DDI2: variants seen among roughly 807,000 people sequenced by gnomAD.
DDI2 encodes the protein DDI proteasomal shuttling factor 2.
A neutral mutation model predicts 48.1 loss-of-function variants in DDI2; 5 were observed. That is an observed-to-expected ratio of 0.10 (90% CI 0.05 to 0.22). DDI2 has a LOEUF of 0.22. Among genes scored for constraint, DDI2 ranks in the 10% least tolerant of loss-of-function variants. DDI2 has a pLI of 1.00. For missense variants in DDI2, 285 were observed against 506.2 expected (o/e 0.56, Z 4.19); for synonymous variants, 205 against 183.6 (o/e 1.12, Z -0.94).
chr1:15,661,064 G>GGACC lies in DDI2; in HGVS notation c.*1275_*1278dup, dbSNP rs1305222605. 6.2e-7 allele frequency: 1 copy of GGACC among 1,614,082 alleles called. No homozygotes were observed. The highest frequency in any genetic ancestry group is 1.1e-5 in the South Asian group (1 of 91,070). Reference sequence around the variant, plus strand: ...AGTATTAAAGACCTTTCTGAAAGATGGACCCAAAATGAGCATCTTACCCAG... The same window carrying GGACC: ...AGTATTAAAGACCTTTCTGAAAGATGGACCGACCCAAAATGAGCATCTTACCCAG... On this transcript the variant is annotated 3_prime_UTR_variant, in exon 10 of 10. Transcript: ENST00000480945.
At chr1:15,637,223 C>A (rs1639943375) in intron 4 of DDI2, among the ~76,000 whole-genome samples, 1 of 152,020 alleles carries the variant, frequency 6.6e-6, no homozygotes, top group African/African-American at 2.4e-5. Flanking sequence ...GTTTTCTTTT[C>A]CTTCCTTTTG....
intron 6 of DDI2, among the ~76,000 whole-genome samples, chr1:15,645,443 CTCTTT>C (rs1402348450): frequency 2.0e-5 from 3 of 152,330 alleles, no homozygotes; most frequent in Middle Eastern, 6.8e-3. Flanking sequence ...TAGTTTTCTT[CTCTTT>C]TGTTTTTCTG....
rs144153444 is a variant in DDI2, at chr1:15,647,976, T to G, written c.890-1744T>G. On this transcript the variant is annotated intron_variant, in intron 6 of 9. Transcript: ENST00000480945. ...AATACTCTTTTCTCAAAAAAAATTT[T>G]TTTTTACAAATAAAAGAGTGGTTTC... Among the ~76,000 whole-genome samples the G allele has an allele frequency of 3.8e-3, 573 of 152,312 alleles. 2 individuals are homozygous for G. Among genetic ancestry groups the G allele is most frequent in the African/African-American group, 0.011 (455 of 41,568 alleles).
chr1:15,651,717 C>G lies in DDI2; in HGVS notation c.1005C>G (p.Asp335Glu). The G allele has an allele frequency of 6.2e-7, 1 of 1,604,788 alleles. No individual in the cohort carries two copies. The highest frequency in any genetic ancestry group is 8.5e-7 in the Non-Finnish European group (1 of 1,176,730). The stretch of plus-strand genomic sequence containing the variant: ...TTCTTTCTTCCAAGTGTTCCATCGA[C>G]CTGAAGAAAAATGTACTCGTGATCG... ...DMLKRHQCSI[D>E]LKKNVLVIGT... The change falls in exon 8 of 10, where the codon GAC (aspartate) becomes GAG (glutamate). Residue 335 changes from aspartate (D) to glutamate (E), a missense_variant. Asp to Glu is a conservative substitution (Grantham distance 45). This residue lies in a region of DDI2 where 66 missense variants were observed against 87.3 expected (regional missense o/e 0.76). Transcript: ENST00000480945.
intron 6 of DDI2, among the ~76,000 whole-genome samples, chr1:15,645,918 A>G (rs1401355672): frequency 6.0e-5 from 9 of 150,992 alleles, no homozygotes; most frequent in Admixed American, 6.6e-5. Context: ...TTGGTAAATG[A>G]CCTGGGTAGG....
In DDI2 at chr1:15,633,472, A is replaced by G; in HGVS notation, c.539A>G (p.Gln180Arg). The G allele has an allele frequency of 6.2e-7, 1 of 1,613,754 alleles. No homozygotes were observed. Among genetic ancestry groups the G allele is most frequent in the African/African-American group, 1.3e-5 (1 of 75,028 alleles). ...TCTAGAGTCCTGGTGGAGCAGCAGC[A>G]GGACCGAGCCCGGAGAGAGCAAGAA... ...KFSRVLVEQQQDRARREQERI... is the reference protein window; with the variant it reads ...KFSRVLVEQQRDRARREQERI... Residue 180 changes from glutamine (Q) to arginine (R), a missense_variant, in exon 4 of 10, where the codon CAG becomes CGG. Gln to Arg is a conservative substitution (Grantham distance 43, BLOSUM62 1). Around this residue, in one of 3 missense-constraint regions of DDI2, gnomAD observed 149 missense variants for 236.5 expected, o/e 0.63. Coordinates refer to ENST00000480945, the MANE Select transcript of DDI2 (RefSeq NM_032341.5).
rs1229531967 is a variant in DDI2, at chr1:15,661,612, C to T, written c.*1822C>T. 6.8e-6 allele frequency: 11 copies of T among 1,614,000 alleles called. No homozygotes were observed. Among genetic ancestry groups the T allele is most frequent in the East Asian group, 2.2e-5 (1 of 44,890 alleles). ...TGCCACAGATATTGACCGCATTCTC[C>T]GTGCTGGCTTTACTTTGCAGGAAGC... is the stretch of plus-strand genomic sequence containing the variant. On this transcript the variant is annotated 3_prime_UTR_variant, in exon 10 of 10. Coordinates refer to ENST00000480945, the MANE Select transcript of DDI2 (RefSeq NM_032341.5).
intron 9 of DDI2, 97 bp from the exon 10 acceptor site, chr1:15,659,740 T>A: frequency 7.7e-7 from 1 of 1,304,034 alleles, no homozygotes; most frequent in Non-Finnish European, 1.0e-6. Flanking sequence ...GAGGACCTTA[T>A]TTTATTCTAC....
intron 6 of DDI2, among the ~76,000 whole-genome samples, chr1:15,647,486 C>T (rs1435780923): frequency 2.0e-5 from 3 of 152,092 alleles, no homozygotes; most frequent in Admixed American, 6.6e-5. Flanking sequence ...GTATAGTTTT[C>T]TGCACATTTT....
chr1:15,643,769 C>A, intron 6 of DDI2, 119 bp downstream of exon 6: 1 of 1,412,178 alleles, frequency 7.1e-7, no homozygotes, highest in East Asian at 2.5e-5. Context: ...TTTTAAATTT[C>A]TTTTGTGTGG....
At chr1:15,640,352 A>C (rs1378707592) in intron 5 of DDI2, among the ~76,000 whole-genome samples, 1 of 152,228 alleles carries the variant, frequency 6.6e-6, no homozygotes, top group African/African-American at 2.4e-5. Flanking sequence ...TATCCATAAG[A>C]AAACTTAGAT....
rs1640378013 is a variant in DDI2, at chr1:15,661,473, G to T, written c.*1683G>T. ...GCATACAGAATTCAGTAACAGACAG[G>T]CCTGAAACCAGAGAAAATGTCTGTC... is the stretch of plus-strand genomic sequence containing the variant. On this transcript the variant is annotated 3_prime_UTR_variant, in exon 10 of 10. Transcript: ENST00000480945. The T allele has an allele frequency of 1.2e-6, 2 of 1,613,752 alleles. No individual in the cohort carries two copies. Among genetic ancestry groups the T allele is most frequent in the Non-Finnish European group, 1.7e-6 (2 of 1,179,870 alleles).
chr1:15,631,250 G>A (rs902127199), intron 3 of DDI2, among the ~76,000 whole-genome samples: 1 of 152,198 alleles, frequency 6.6e-6, no homozygotes, highest in Non-Finnish European at 1.5e-5. Flanking sequence ...TGGCAAAATG[G>A]AATCACCATA....
At position 15,617,581 on chromosome 1, in the gene DDI2, C is replaced by T. The variant is rs1301924702; in HGVS notation, c.-90C>T. 2.6e-6 allele frequency: 3 copies of T among 1,141,352 alleles called. No homozygotes were observed. The highest frequency in any genetic ancestry group is 1.6e-5 in the African/African-American group (1 of 61,956). 70.7% of individuals were successfully genotyped at this position (1,141,352 alleles called of 1,614,324 possible). A position where few individuals can be genotyped will look rare whatever the true frequency, so the allele number is the denominator to read the frequency against. ...ACGAGCAGCCGGCGCCGTCCTCCCGCAGCACCAGCCAGGCCACGCCGCCGC... is the reference window on the plus strand; with the variant it reads ...ACGAGCAGCCGGCGCCGTCCTCCCGTAGCACCAGCCAGGCCACGCCGCCGC... On this transcript the variant is annotated 5_prime_UTR_variant, in exon 1 of 10. Coordinates refer to ENST00000480945, the MANE Select transcript of DDI2 (RefSeq NM_032341.5).
intron 5 of DDI2, among the ~76,000 whole-genome samples, chr1:15,640,702 A>G (rs1167510100): frequency 6.6e-6 from 1 of 152,236 alleles, no homozygotes; most frequent in African/African-American, 2.4e-5. Flanking sequence ...AGAAGGAGGA[A>G]GAAAAGAGAG....
At position 15,617,810 on chromosome 1, in the gene DDI2, T is replaced by TACGCCGGGCAGC; in HGVS notation, c.138+3_138+14dup. ...GGCATCCCCGCAGCCGAGAGCCAGG[T>TACGCCGGGCAGC]ACGCCGGGCAGCGAGCCGGGCCTGC... On this transcript the variant is annotated splice_region_variant and intron_variant, in intron 1 of 9. Coordinates refer to ENST00000480945, the MANE Select transcript of DDI2 (RefSeq NM_032341.5). 6.3e-7 allele frequency: 1 copy of TACGCCGGGCAGC among 1,593,624 alleles called. No homozygotes were observed.
intron 1 of DDI2, among the ~76,000 whole-genome samples, chr1:15,622,517 A>G (rs1639681839): frequency 6.6e-6 from 1 of 152,186 alleles, no homozygotes; most frequent in Non-Finnish European, 1.5e-5. Flanking sequence ...AAGTACCAGC[A>G]GTTGTGCCAG....
At chr1:15,621,281 G>A (rs1219669698) in intron 1 of DDI2, among the ~76,000 whole-genome samples, 1 of 152,122 alleles carries the variant, frequency 6.6e-6, no homozygotes, top group Admixed American at 6.5e-5. Flanking sequence ...TATGGAAAAA[G>A]TAGGCACAAC....
chr1:15,648,754 A>G (rs563044631), intron 6 of DDI2, among the ~76,000 whole-genome samples: 11 of 151,236 alleles, frequency 7.3e-5, no homozygotes, highest in Non-Finnish European at 1.3e-4. Flanking sequence ...ATTCAGAGTA[A>G]ACACCTAGAT....
Sources: allele counts gnomAD v4.1 joint callset (sites outside exome capture counted in the v4.1 genomes callset), GRCh38; gene constraint gnomAD v4.1.1; regional missense constraint gnomAD v4.1.1; transcripts MANE v1.5; gene names NCBI Gene and HGNC (gene_info 2026-07-23, HGNC 2026-07-21).